The following ST8SIA4 variants were observed in gnomAD, a reference collection of about 807,000 sequenced individuals.
ST8SIA4 encodes the protein CMP-N-acetylneuraminate-poly-alpha-2,8-sialyltransferase.
In ST8SIA4, 15 loss-of-function variants were observed where a neutral mutation model predicts 33.9. The ratio of observed to expected loss-of-function variants is 0.44; its 90% CI spans 0.30 to 0.68. The LOEUF (loss-of-function observed/expected upper bound fraction) is 0.68. Ranked by LOEUF, ST8SIA4 falls within the 30% of genes least tolerant of loss-of-function variation. The probability of loss-of-function intolerance (pLI) is 0.10; values close to 1 mark genes in which losing one functional copy is unlikely to be tolerated. For synonymous variants in ST8SIA4, 171 were observed against 151.2 expected (o/e 1.13, Z -0.96); for missense variants, 321 against 428.0 (o/e 0.75, Z 2.21).
intron 4 of ST8SIA4, among the ~76,000 whole-genome samples, chr5:100,855,460 C>A (rs1452038169): frequency 6.6e-6 from 1 of 152,196 alleles, no homozygotes. Flanking sequence ...TACATAATTT[C>A]TCATCTGTGG....
intron 4 of ST8SIA4, among the ~76,000 whole-genome samples, chr5:100,851,213 G>A (rs897979204): frequency 2.0e-5 from 3 of 151,346 alleles, no homozygotes; most frequent in Admixed American, 6.6e-5. Context: ...CACCCGCCTC[G>A]GCCTCCCAAA....
intron 4 of ST8SIA4, among the ~76,000 whole-genome samples, chr5:100,848,419 A>G (rs905204894): frequency 6.7e-6 from 1 of 150,348 alleles, no homozygotes; most frequent in Non-Finnish European, 1.5e-5. Context: ...GTATGTGTAA[A>G]TTATTTACAG....
intron 1 of ST8SIA4, among the ~76,000 whole-genome samples, chr5:100,899,956 T>C (rs1328102480): frequency 1.3e-5 from 2 of 152,232 alleles, no homozygotes; most frequent in African/African-American, 2.4e-5. Flanking sequence ...TGACCTATGC[T>C]GGAACAATTC....
At chr5:100,879,979 C>T (rs1407200685) in intron 3 of ST8SIA4, among the ~76,000 whole-genome samples, 1 of 152,084 alleles carries the variant, frequency 6.6e-6, no homozygotes, top group African/African-American at 2.4e-5. Context: ...CAACCAAGTA[C>T]ATTATTATGG....
intron 1 of ST8SIA4, among the ~76,000 whole-genome samples, chr5:100,898,125 C>T (rs902408474): frequency 6.6e-6 from 1 of 152,006 alleles, no homozygotes; most frequent in African/African-American, 2.4e-5. Flanking sequence ...TTTTCACCAC[C>T]AATAAACTTT....
At chr5:100,849,049 T>TAA in intron 4 of ST8SIA4, 1 of 812,086 alleles carries the variant, frequency 1.2e-6, no homozygotes, top group Non-Finnish European at 1.5e-6. Context: ...AAAATGACTT[T>TAA]AAAGAAGAAA....
At chr5:100,896,810 T>C (rs558620773) in intron 1 of ST8SIA4, among the ~76,000 whole-genome samples, 13 of 152,296 alleles carry the variant, frequency 8.5e-5, no homozygotes, top group Non-Finnish European at 1.0e-4. Flanking sequence ...ATCTGTATAA[T>C]TGTGATTCCT....
intron 4 of ST8SIA4, among the ~76,000 whole-genome samples, chr5:100,837,974 T>G (rs1205376916): frequency 6.6e-6 from 1 of 152,068 alleles, no homozygotes; most frequent in Non-Finnish European, 1.5e-5. Context: ...TCTGAGAGTG[T>G]CTGAATCAAT....
intron 3 of ST8SIA4, among the ~76,000 whole-genome samples, chr5:100,880,091 C>G (rs115180058): frequency 0.012 from 1,890 of 152,136 alleles, 36 homozygotes; most frequent in African/African-American, 0.041. Flanking sequence ...CTCCCTCTCT[C>G]CTTTACTTCC....
At chr5:100,832,541 A>G (rs1448788692) in intron 4 of ST8SIA4, among the ~76,000 whole-genome samples, 1 of 152,126 alleles carries the variant, frequency 6.6e-6, no homozygotes, top group Non-Finnish European at 1.5e-5. Flanking sequence ...TTTTCAGTTA[A>G]TGTAGGTTAC....
At chr5:100,827,797 T>C (rs1161214764) in intron 4 of ST8SIA4, among the ~76,000 whole-genome samples, 1 of 152,206 alleles carries the variant, frequency 6.6e-6, no homozygotes, top group African/African-American at 2.4e-5. Flanking sequence ...TTTGTCACTC[T>C]AGTTCCTCCC....
intron 4 of ST8SIA4, among the ~76,000 whole-genome samples, chr5:100,841,340 C>G (rs1299032367): frequency 6.6e-6 from 1 of 151,728 alleles, no homozygotes; most frequent in Non-Finnish European, 1.5e-5. Flanking sequence ...AAAAAGAGGT[C>G]AATTATGCAG....
At chr5:100,834,702 T>A (rs1359602592) in intron 4 of ST8SIA4, among the ~76,000 whole-genome samples, 3 of 151,904 alleles carry the variant, frequency 2.0e-5, no homozygotes, top group Admixed American at 1.3e-4. Context: ...CGATAGTGAG[T>A]GGGTTCTCAC....
intron 4 of ST8SIA4, among the ~76,000 whole-genome samples, chr5:100,844,995 C>T (rs530385610): frequency 6.6e-6 from 1 of 152,040 alleles, no homozygotes; most frequent in South Asian, 2.1e-4. Context: ...TCCTACATGG[C>T]AATTCTAGTG....
At chr5:100,879,376 T>A (rs1752370586) in intron 3 of ST8SIA4, among the ~76,000 whole-genome samples, 1 of 152,180 alleles carries the variant, frequency 6.6e-6, no homozygotes, top group African/African-American at 2.4e-5. Flanking sequence ...TTCTTGAAAG[T>A]TAAGCTCATA....
rs1752533378 is a variant in ST8SIA4, at chr5:100,886,226, A to G, written c.503+117T>C. Reference sequence around the variant, plus strand: ...TAAATGTTGCACAGAAAAGGATATCATAGACAAATATTTGTTTGAGGTTTT... The same window carrying G: ...TAAATGTTGCACAGAAAAGGATATCGTAGACAAATATTTGTTTGAGGTTTT... On this transcript the variant is annotated intron_variant, in intron 3 of 4. Coordinates refer to ENST00000231461, the MANE Select transcript of ST8SIA4 (RefSeq NM_005668.6). The G allele has an allele frequency of 6.1e-6, 9 of 1,476,456 alleles. No individual in the cohort carries two copies. In the South Asian group the frequency reaches 1.3e-4, roughly 21 times the overall value. The allele number at this position is 1,476,456 out of a possible 1,614,324, so 91.5% of individuals were successfully genotyped here. A position where few individuals can be genotyped will look rare whatever the true frequency, so the allele number is the denominator to read the frequency against.
At position 100,886,510 on chromosome 5, in the gene ST8SIA4, A is replaced by G; in HGVS notation, c.336T>C (p.Leu112=). The G allele has an allele frequency of 6.2e-7, 1 of 1,613,944 alleles. No individual in the cohort carries two copies. Among genetic ancestry groups the G allele is most frequent in the Non-Finnish European group, 8.5e-7 (1 of 1,179,834 alleles). Residue 112 remains leucine (L), a synonymous_variant, in exon 3 of 5, where the codon CTT becomes CTC. Coordinates refer to ENST00000231461, the MANE Select transcript of ST8SIA4 (RefSeq NM_005668.6). Reference sequence around the variant, plus strand: ...AAATGTTTAGTGTCCGGCGCCTGTCAAGCACATAGTGTATGACATCACCAG... The same window carrying G: ...AAATGTTTAGTGTCCGGCGCCTGTCGAGCACATAGTGTATGACATCACCAG... ...FKPGDVIHYV[L]DRRRTLNISH...
At chr5:100,859,858 C>T (rs578003177) in intron 3 of ST8SIA4, among the ~76,000 whole-genome samples, 2 of 152,194 alleles carry the variant, frequency 1.3e-5, no homozygotes, top group Admixed American at 6.6e-5. Context: ...ATGTATGCAA[C>T]TAGGAGATCC....
intron 2 of ST8SIA4, among the ~76,000 whole-genome samples, chr5:100,888,269 T>G (rs1346660312): frequency 1.3e-5 from 2 of 151,572 alleles, no homozygotes; most frequent in Non-Finnish European, 2.9e-5. Context: ...ATCAACAAAA[T>G]CTAATGCTTA....
Sources: gnomAD v4.1 joint callset for allele counts (sites outside exome capture counted in the v4.1 genomes callset) on GRCh38, gnomAD v4.1.1 for gene constraint, MANE v1.5 for transcripts, NCBI Gene and HGNC (gene_info 2026-07-23, HGNC 2026-07-21) for gene names.